OTUD7A: variants seen among roughly 807,000 people sequenced by gnomAD.
OTUD7A encodes the protein OTU domain-containing protein 7A.
OTUD7A carries 12 observed loss-of-function variants against 65.7 expected under a neutral mutation model. That is an observed-to-expected ratio of 0.18 (90% CI 0.12 to 0.30). The LOEUF is 0.30. OTUD7A is among the 10% of genes least tolerant of loss of function. The pLI is 1.00. For missense variants in OTUD7A, 1,148 were observed against 1,304.8 expected, an observed-to-expected ratio of 0.88 and a Z score of 1.85; for synonymous variants, 641 against 586.3, an observed-to-expected ratio of 1.09 and a Z score of -1.35.
Position 31,479,924 on chromosome 15 carries a change from A to G in OTUD7A, c.*3370T>C, listed in dbSNP as rs1282817804. The G allele has an allele frequency of 6.6e-6, 1 of 152,254 alleles. No homozygotes were observed. The highest frequency in any genetic ancestry group is 1.5e-5 in the Non-Finnish European group (1 of 68,040). 9.4% of individuals were successfully genotyped at this position (152,254 alleles called of 1,614,324 possible). A position where few individuals can be genotyped will look rare whatever the true frequency, so the allele number is the denominator to read the frequency against. On this transcript the variant is annotated 3_prime_UTR_variant, in exon 13 of 13. Transcript: ENST00000307050. The stretch of plus-strand genomic sequence containing the variant: ...GTAATTTAGTGAATACAAAGTATTC[A>G]TTTAAGAGGAAAGGTGCAGTACCAA...
intron 1 of OTUD7A, among the ~76,000 whole-genome samples, chr15:31,737,834 T>C (rs1231860568): frequency 6.6e-6 from 1 of 152,184 alleles, no homozygotes; most frequent in East Asian, 1.9e-4. Context: ...ATCCATGCTG[T>C]ACAGTTTCCT....
chr15:31,664,893 A>T (rs758705923), intron 1 of OTUD7A, among the ~76,000 whole-genome samples: 7 of 152,170 alleles, frequency 4.6e-5, no homozygotes, highest in Non-Finnish European at 8.8e-5. Context: ...CAATTATCCC[A>T]GCATCGTTTG....
intron 1 of OTUD7A, among the ~76,000 whole-genome samples, chr15:31,660,699 A>C (rs1413607435): frequency 6.6e-6 from 1 of 152,254 alleles, no homozygotes; most frequent in Non-Finnish European, 1.5e-5. Flanking sequence ...AGGAATAAGA[A>C]GAGAAGTTTG....
At chr15:31,754,085 T>C (rs1163241432) in intron 1 of OTUD7A, among the ~76,000 whole-genome samples, 1 of 152,166 alleles carries the variant, frequency 6.6e-6, no homozygotes, top group East Asian at 1.9e-4. Context: ...GGTATTGCAT[T>C]ATGGTTTTGA....
chr15:31,586,420 GC>G (rs1889538780), intron 3 of OTUD7A, among the ~76,000 whole-genome samples: 1 of 152,318 alleles, frequency 6.6e-6, no homozygotes, highest in African/African-American at 2.4e-5. Context: ...CTGCACAGCA[GC>G]CCCCCAGGGC....
At chr15:31,762,970 G>A (rs36060041) in intron 1 of OTUD7A, among the ~76,000 whole-genome samples, 10,426 of 152,114 alleles carry the variant, frequency 0.069, 831 homozygotes, top group African/African-American at 0.2. Context: ...GCTCCAAGAC[G>A]TAAGAATAAA....
intron 1 of OTUD7A, among the ~76,000 whole-genome samples, chr15:31,816,225 G>T (rs1896545847): frequency 1.3e-5 from 2 of 152,108 alleles, no homozygotes; most frequent in African/African-American, 4.8e-5. Flanking sequence ...TTGGGTAGAG[G>T]GCCCACAGGT....
At chr15:31,538,089 C>T (rs931443265) in intron 5 of OTUD7A, among the ~76,000 whole-genome samples, 2 of 152,172 alleles carry the variant, frequency 1.3e-5, no homozygotes, top group East Asian at 1.9e-4. Flanking sequence ...ACTGCTGTCG[C>T]CTGGCTCACA....
rs1290293909 is a variant in OTUD7A, at chr15:31,481,825, G to T, written c.*1469C>A. The T allele has an allele frequency of 1.3e-5, 2 of 152,290 alleles. No homozygotes were observed. The highest frequency in any genetic ancestry group is 4.8e-5 in the African/African-American group (2 of 41,396). The allele number at this position is 152,290 out of a possible 1,614,324, so 9.4% of individuals were successfully genotyped here. ...GAGGAGAAGCTGGCTCCAGTGAAGA[G>T]ATGGTCGACCTCCTGCTTTTTCTGA... On this transcript the variant is annotated 3_prime_UTR_variant, in exon 13 of 13. Coordinates refer to ENST00000307050, the MANE Select transcript of OTUD7A (RefSeq NM_001382637.1).
intron 3 of OTUD7A, among the ~76,000 whole-genome samples, chr15:31,622,907 G>T (rs1185039266): frequency 2.0e-5 from 3 of 152,140 alleles, no homozygotes; most frequent in Non-Finnish European, 2.9e-5. Context: ...ATCTACCTCT[G>T]GTCTTTGATG....
rs1317801934 is a variant in OTUD7A, at chr15:31,487,286, GAGA to G, written c.1287-11_1287-9del. Reference sequence around the variant, plus strand: ...TCTAGCGACAGGATAAGGCTGGCAAGAGAAGAATATCCTATTGAAATGGTCTGA... The same window carrying G: ...TCTAGCGACAGGATAAGGCTGGCAAGAGAATATCCTATTGAAATGGTCTGA... On this transcript the variant is annotated splice_polypyrimidine_tract_variant and intron_variant, in intron 11 of 12. Transcript: ENST00000307050. This position sits in a 1 kb window ranked among gnomAD's most constrained non-coding sequence, Gnocchi z 6.0. 9 of 1,613,664 alleles carry G rather than the reference GAGA, an allele frequency of 5.6e-6. No homozygotes were observed. The highest frequency in any genetic ancestry group is 1.6e-4 in the Middle Eastern group (1 of 6,078).
At chr15:31,774,076 T>G (rs1206475471) in intron 1 of OTUD7A, among the ~76,000 whole-genome samples, 1 of 152,222 alleles carries the variant, frequency 6.6e-6, no homozygotes, top group Non-Finnish European at 1.5e-5. Context: ...CACACAGCCA[T>G]GCACTATGAG....
At chr15:31,528,450 A>G (rs1566904907) in intron 6 of OTUD7A, among the ~76,000 whole-genome samples, 1 of 152,250 alleles carries the variant, frequency 6.6e-6, no homozygotes, top group Non-Finnish European at 1.5e-5. Context: ...TGGAGAGTCT[A>G]CAGAAGGAGA....
At chr15:31,721,735 CT>C (rs1177476158) in intron 1 of OTUD7A, among the ~76,000 whole-genome samples, 1 of 151,756 alleles carries the variant, frequency 6.6e-6, no homozygotes, top group Non-Finnish European at 1.5e-5. Context: ...AAAATTTTAC[CT>C]TAAATAAATG....
At position 31,868,400 on chromosome 15, in the gene OTUD7A, G is replaced by A. The variant is rs575392457; in HGVS notation, c.-100+2107C>T. Among the ~76,000 whole-genome samples the A allele has an allele frequency of 9.9e-5, 15 of 152,282 alleles. No homozygotes were observed. In the South Asian group the frequency reaches 2.9e-3, roughly 30 times the overall value. On this transcript the variant is annotated intron_variant, in intron 1 of 12. Coordinates refer to ENST00000307050, the MANE Select transcript of OTUD7A (RefSeq NM_001382637.1). ...GGTGAAAACAAAAAGATGGATACGG[G>A]GCCAGATTGATTTCACAGACTCCAT...
chr15:31,766,069 T>C lies in OTUD7A; in HGVS notation c.-100+104438A>G. 6.7e-6 allele frequency: 10 copies of C among 1,488,606 alleles called. No individual in the cohort carries two copies. The South Asian group carries it at 1.0e-4, about 15-fold the overall frequency. The allele number at this position is 1,488,606 out of a possible 1,614,324, so 92.2% of individuals were successfully genotyped here. A position where few individuals can be genotyped will look rare whatever the true frequency, so the allele number is the denominator to read the frequency against. On this transcript the variant is annotated intron_variant, in intron 1 of 12. Transcript: ENST00000307050. The stretch of plus-strand genomic sequence containing the variant: ...AATAGTCCATCTCCAGGACTTTCAA[T>C]ATGTCCCCTTTTTAAGTAGTCAAGA...
intron 3 of OTUD7A, among the ~76,000 whole-genome samples, chr15:31,604,528 G>T (rs1325059288): frequency 1.3e-5 from 2 of 150,856 alleles, no homozygotes; most frequent in East Asian, 4.0e-4. Context: ...AACCACCATG[G>T]CACGTGTATA....
intron 1 of OTUD7A, among the ~76,000 whole-genome samples, chr15:31,753,693 ATATATATAT>A (rs1198920646): frequency 4.7e-4 from 7 of 14,958 alleles, no homozygotes; most frequent in Non-Finnish European, 9.9e-4. Flanking sequence ...TGAGATATAT[ATATATATAT>A]TATATATATA....
intron 1 of OTUD7A, among the ~76,000 whole-genome samples, chr15:31,814,527 C>CTT (rs397853761): frequency 6.9e-5 from 10 of 144,740 alleles, no homozygotes; most frequent in African/African-American, 1.8e-4. Context: ...TGCGTAAGTT[C>CTT]TTTTTTTTTT....
Sources: allele counts gnomAD v4.1 joint callset (sites outside exome capture counted in the v4.1 genomes callset), GRCh38; gene constraint gnomAD v4.1.1; non-coding constraint Gnocchi (gnomAD v3.1); transcripts MANE v1.5; gene names NCBI Gene and HGNC (gene_info 2026-07-23, HGNC 2026-07-21).